Variants in DISC1 observed in about 807,000 individuals in gnomAD.
DISC1 encodes disrupted in schizophrenia 1 protein.
DISC1 carries 57 observed loss-of-function variants against 84.5 expected under a neutral mutation model. The ratio of observed to expected loss-of-function variants is 0.67; its 90% CI spans 0.55 to 0.84. The LOEUF is 0.84. Among genes scored for constraint, DISC1 ranks in the 40% least tolerant of loss-of-function variants. The pLI, the probability that DISC1 is intolerant of heterozygous loss-of-function variation, is 0.00. For missense variants in DISC1, 1,000 were observed against 1,057.8 expected (o/e 0.95, Z 0.76); for synonymous variants, 411 against 415.2 (o/e 0.99, Z 0.12).
chr1:231,881,668 A>G (rs1367815003), intron 9 of DISC1, among the ~76,000 whole-genome samples: 1 of 151,980 alleles, frequency 6.6e-6, no homozygotes, highest in East Asian at 1.9e-4. Context: ...CAAGACGAGC[A>G]CTTCCTCTTC....
chr1:231,881,475 C>G (rs1198029110), intron 9 of DISC1, among the ~76,000 whole-genome samples: 2 of 152,040 alleles, frequency 1.3e-5, no homozygotes, highest in Non-Finnish European at 2.9e-5. Flanking sequence ...TTTATTAGAA[C>G]CCAGTCATAT....
intron 1 of DISC1, among the ~76,000 whole-genome samples, chr1:231,674,188 A>C (rs1008082845): frequency 7.9e-5 from 12 of 152,262 alleles, no homozygotes; most frequent in African/African-American, 2.4e-4. Flanking sequence ...GTAAGTGCTC[A>C]GTGAATTTAT....
At chr1:231,774,639 G>A (rs1257129510) in intron 6 of DISC1, 1 of 454,722 alleles carries the variant, frequency 2.2e-6, no homozygotes. Context: ...TCCACCGTAG[G>A]GAGGTGAGGC....
chr1:231,884,481 C>CT (rs1160675997), intron 9 of DISC1, among the ~76,000 whole-genome samples: 1 of 152,128 alleles, frequency 6.6e-6, no homozygotes, highest in Non-Finnish European at 1.5e-5. Context: ...ACCACATTTT[C>CT]TTTATCCAGT....
chr1:231,697,390 TTTG>T (rs1459121598), intron 2 of DISC1, among the ~76,000 whole-genome samples: 4 of 152,186 alleles, frequency 2.6e-5, no homozygotes, highest in Non-Finnish European at 4.4e-5. Context: ...CTTGCTAAAA[TTTG>T]TTGTTAACTC....
At chr1:232,011,156 T>G (rs1256275842) in intron 11 of DISC1, among the ~76,000 whole-genome samples, 3 of 152,166 alleles carry the variant, frequency 2.0e-5, no homozygotes, top group Non-Finnish European at 4.4e-5. Flanking sequence ...GGATTCGTTT[T>G]CCTGCATAGC....
At chr1:231,881,975 A>G (rs544065738) in intron 9 of DISC1, among the ~76,000 whole-genome samples, 1 of 152,248 alleles carries the variant, frequency 6.6e-6, no homozygotes, top group East Asian at 1.9e-4. Context: ...AACTTGCTTG[A>G]GGTCACATGC....
At chr1:231,680,830 C>T (rs1358760122) in intron 1 of DISC1, among the ~76,000 whole-genome samples, 1 of 152,132 alleles carries the variant, frequency 6.6e-6, no homozygotes, top group African/African-American at 2.4e-5. Flanking sequence ...TTTAGAAAGC[C>T]ATGAAAATAA....
chr1:231,878,297 G>GC (rs2086039420), intron 9 of DISC1, among the ~76,000 whole-genome samples: 1 of 152,146 alleles, frequency 6.6e-6, no homozygotes, highest in Non-Finnish European at 1.5e-5. Flanking sequence ...GTGAAATGGG[G>GC]CACCTGACCA....
intron 10 of DISC1, among the ~76,000 whole-genome samples, chr1:231,959,791 A>G (rs1243155131): frequency 6.6e-6 from 1 of 152,164 alleles, no homozygotes; most frequent in African/African-American, 2.4e-5. Context: ...CTTGGGAAGA[A>G]TCTATGACAC....
At chr1:231,991,453 G>A (rs182894169) in intron 10 of DISC1, among the ~76,000 whole-genome samples, 5 of 152,272 alleles carry the variant, frequency 3.3e-5, no homozygotes, top group African/African-American at 1.2e-4. Flanking sequence ...CCCTTAGTGT[G>A]GCATGTGTTT....
At chr1:231,723,440 G>A (rs1046848784) in intron 3 of DISC1, 4 of 985,394 alleles carry the variant, frequency 4.1e-6, no homozygotes, top group Non-Finnish European at 2.4e-6. Context: ...CACTGGCTAC[G>A]ACCTTACTCT....
At chr1:231,771,520 T>G (rs1380252467) in intron 6 of DISC1, 64 of 985,474 alleles carry the variant, frequency 6.5e-5, no homozygotes, top group Non-Finnish European at 7.6e-5. Context: ...GGATTGTTAC[T>G]GGTAGCTAAA....
chr1:232,033,377 G>C (rs887036194), intron 12 of DISC1, among the ~76,000 whole-genome samples: 3 of 152,108 alleles, frequency 2.0e-5, no homozygotes, highest in Non-Finnish European at 4.4e-5. Context: ...ATTGTTTCTT[G>C]CCTGAACTAT....
chr1:231,642,078 T>G (rs930702149), intron 1 of DISC1, among the ~76,000 whole-genome samples: 1 of 152,060 alleles, frequency 6.6e-6, no homozygotes, highest in Non-Finnish European at 1.5e-5. Context: ...GGGCTGCAGG[T>G]CCCCAGCCCT....
intron 9 of DISC1, among the ~76,000 whole-genome samples, chr1:231,839,123 G>A (rs145320078): frequency 2.0e-4 from 31 of 152,294 alleles, no homozygotes; most frequent in African/African-American, 5.5e-4. Context: ...GGCATGCACC[G>A]TGGCTTGGGG....
At chr1:231,787,488 C>G (rs1445720550) in intron 6 of DISC1, among the ~76,000 whole-genome samples, 1 of 151,976 alleles carries the variant, frequency 6.6e-6, no homozygotes, top group Admixed American at 6.6e-5. Flanking sequence ...GGGAGGGGAC[C>G]AACCTCACCC....
intron 9 of DISC1, among the ~76,000 whole-genome samples, chr1:231,908,358 T>C (rs888717157): frequency 3.3e-5 from 5 of 152,196 alleles, no homozygotes; most frequent in African/African-American, 1.2e-4. Flanking sequence ...TTGTATAAGG[T>C]GTAAGGAAAG....
At chr1:231,924,952 G>A (rs1042978039) in intron 9 of DISC1, among the ~76,000 whole-genome samples, 3 of 130,348 alleles carry the variant, frequency 2.3e-5, no homozygotes, top group Non-Finnish European at 1.6e-5. Flanking sequence ...CACTGCGCCC[G>A]GCCTTTTTTT....
Sources: gnomAD v4.1 joint callset for allele counts (sites outside exome capture counted in the v4.1 genomes callset) on GRCh38, gnomAD v4.1.1 for gene constraint, MANE v1.5 for transcripts, NCBI Gene and HGNC (gene_info 2026-07-23, HGNC 2026-07-21) for gene names.